Variants in CHRNA4 observed in about 807,000 individuals in gnomAD.
CHRNA4 encodes neuronal acetylcholine receptor subunit alpha-4.
In CHRNA4, 28 loss-of-function variants were observed where a neutral mutation model predicts 48.9. The ratio of observed to expected loss-of-function variants is 0.57; its 90% CI spans 0.42 to 0.79. The LOEUF is 0.79. CHRNA4 is among the 30% of genes least tolerant of loss of function. CHRNA4 has a pLI of 0.00. For synonymous variants in CHRNA4, 425 were observed against 402.3 expected, an observed-to-expected ratio of 1.06 and a Z score of -0.68; for missense variants, 859 against 898.4, an observed-to-expected ratio of 0.96 and a Z score of 0.56.
rs1412831336 is a variant in CHRNA4 at position 63,353,970 on chromosome 20, GA to G, written c.383+2004del. 6.1e-3 allele frequency among the ~76,000 whole-genome samples: 300 copies of G among 48,926 alleles called. 19 individuals are homozygous for G. The highest frequency in any genetic ancestry group is 0.016 in the African/African-American group (143 of 9,082). 32.1% of individuals were successfully genotyped at this position (48,926 alleles called of 152,430 possible). ...ACCCTCGGGGGGGCTGCGGTCCTGG[GA>G]GGTCTGTGGTCCTGGGGGGCTGTGG... On this transcript the variant is annotated intron_variant, in intron 4 of 5. Transcript: ENST00000370263.
chr20:63,346,676 G>T lies in CHRNA4; in HGVS notation c.*62C>A, dbSNP rs62206904. The T allele has an allele frequency of 3.9e-6, 6 of 1,558,424 alleles. No individual in the cohort carries two copies. Among genetic ancestry groups the T allele is most frequent in the Non-Finnish European group, 5.2e-6 (6 of 1,158,426 alleles). ...GGAGAAGCCAGCCCGGCCCCAGGCC[G>T]GCCGCATGGATGCTGGCCCCGTGCA... On this transcript the variant is annotated 3_prime_UTR_variant, in exon 6 of 6. Transcript: ENST00000370263.
chr20:63,349,489 G>T, intron 5 of CHRNA4, 164 bp downstream of exon 5: 1 of 925,070 alleles, frequency 1.1e-6, no homozygotes, highest in African/African-American at 1.6e-5. Flanking sequence ...CGGCCACATA[G>T]CAGGCTTGGG....
At chr20:63,348,441 G>A (rs6062899) in intron 5 of CHRNA4, among the ~76,000 whole-genome samples, 110,064 of 152,134 alleles carry the variant, frequency 0.72, 41,432 homozygotes, top group East Asian at 0.86. Context: ...GGCTGTGTGG[G>A]GCGAGCAACT....
chr20:63,354,041 G>A (rs1439992810), intron 4 of CHRNA4, among the ~76,000 whole-genome samples: 2 of 138,190 alleles, frequency 1.4e-5, no homozygotes, highest in African/African-American at 5.4e-5. Context: ...TAGTCCTAGG[G>A]GGCTGTGGTC....
chr20:63,351,116 C>T (rs1313963281), intron 4 of CHRNA4, 89 bp from the exon 5 acceptor site: 1 of 1,398,446 alleles, frequency 7.2e-7, no homozygotes, highest in Non-Finnish European at 9.7e-7. Context: ...TGCCCACGTC[C>T]ACACCCACAC....
chr20:63,355,654 C>G, intron 4 of CHRNA4: 1 of 1,192,056 alleles, frequency 8.4e-7, no homozygotes, highest in Non-Finnish European at 1.1e-6. Flanking sequence ...GGCCTCAGGA[C>G]TGGTCCAGGC....
intron 2 of CHRNA4, 88 bp from the exon 3 acceptor site, chr20:63,356,503 G>A: frequency 1.5e-6 from 2 of 1,368,976 alleles, no homozygotes; most frequent in Non-Finnish European, 2.0e-6. Context: ...ACTGGCACAA[G>A]GACACGGCCA....
At chr20:63,355,855 C>T in intron 4 of CHRNA4, 120 bp downstream of exon 4, 1 of 1,371,380 alleles carries the variant, frequency 7.3e-7, no homozygotes, top group Non-Finnish European at 1.0e-6. Flanking sequence ...ATGGGGCTGG[C>T]ATAGGCCCCG....
chr20:63,356,014 G>C lies in CHRNA4; in HGVS notation c.344C>G (p.Ser115Cys). 1 of 1,611,406 alleles carries C rather than the reference G, an allele frequency of 6.2e-7. No individual in the cohort carries two copies. Among genetic ancestry groups the C allele is most frequent in the Non-Finnish European group, 8.5e-7 (1 of 1,179,618 alleles). ...GATGTCCGGCCGCCAGATGAGCTCG[G>C]AGGGGATGCGGATGGAGGTGACATT... The part of the protein sequence containing the change: ...YENVTSIRIP[S>C]ELIWRPDIVL... The change falls in exon 4 of 6, where the codon TCC becomes TGC. Residue 115 changes from serine to cysteine, a missense_variant. By Grantham distance (112) the Ser-to-Cys change is moderately radical (BLOSUM62 -1). Transcript: ENST00000370263.
chr20:63,351,121 C>G, intron 4 of CHRNA4, 94 bp from the exon 5 acceptor site: 1 of 1,418,430 alleles, frequency 7.1e-7, no homozygotes, highest in Non-Finnish European at 9.6e-7. Context: ...ACGTCCACAC[C>G]CACACCCACA....
In CHRNA4 at chr20:63,361,253, C is replaced by A. The variant is rs1279270053; in HGVS notation, c.-88G>T. ...CGTGCGCGCCCAACTTCATGCCTCC[C>A]GCGCCTCGCGGGCCGCTTCGGCCGC... On this transcript the variant is annotated 5_prime_UTR_variant, in exon 1 of 6. Coordinates refer to ENST00000370263, the MANE Select transcript of CHRNA4 (RefSeq NM_000744.7). 1.4e-6 allele frequency: 2 copies of A among 1,407,156 alleles called. No homozygotes were observed. The highest frequency in any genetic ancestry group is 1.8e-6 in the Non-Finnish European group (2 of 1,083,270). 87.2% of individuals were successfully genotyped at this position (1,407,156 alleles called of 1,614,324 possible). A position where few individuals can be genotyped will look rare whatever the true frequency, so the allele number is the denominator to read the frequency against.
rs2068570459 is a variant in CHRNA4 at position 63,350,308 on chromosome 20, C to T, written c.1103G>A (p.Cys368Tyr). ...MKRPSVVKDN[C>Y]RRLIESMHKM... ...ATGCATGGACTCGATGAGCCGCCGGCAATTGTCCTTGACCACGGACGGCCG... is the reference window on the plus strand; with the variant it reads ...ATGCATGGACTCGATGAGCCGCCGGTAATTGTCCTTGACCACGGACGGCCG... The change falls in exon 5 of 6, where the codon TGC (cysteine) becomes TAC (tyrosine). Residue 368 changes from cysteine (C) to tyrosine (Y), a missense_variant. Cys to Tyr is a radical substitution (Grantham distance 194). This residue lies in a region of CHRNA4 where 478 missense variants were observed against 455.4 expected (regional missense o/e 1.05). Coordinates refer to ENST00000370263, the MANE Select transcript of CHRNA4 (RefSeq NM_000744.7). 1 of 1,613,128 alleles carries T rather than the reference C, an allele frequency of 6.2e-7. No individual in the cohort carries two copies. The highest frequency in any genetic ancestry group is 8.5e-7 in the Non-Finnish European group (1 of 1,180,008).
rs1242526543 is a variant in CHRNA4, at chr20:63,361,317, C to G, written c.-152G>C. 2.6e-6 allele frequency: 3 copies of G among 1,166,920 alleles called. 1 individual carries two copies. The highest frequency in any genetic ancestry group is 5.7e-5 in the South Asian group (2 of 34,992). The allele number at this position is 1,166,920 out of a possible 1,614,324, so 72.3% of individuals were successfully genotyped here. On this transcript the variant is annotated 5_prime_UTR_variant, in exon 1 of 6. Coordinates refer to ENST00000370263, the MANE Select transcript of CHRNA4 (RefSeq NM_000744.7). ...TCTTCTCCTGTGGGGCGCGGTGCGG[C>G]GGCGGCGCGGCAGGGAGCGCCGGGC...
At position 63,345,098 on chromosome 20, in the gene CHRNA4, G is replaced by T; in HGVS notation, c.*1640C>A. ...CCCCACTCACGTCACTGCCCGCGGG[G>T]ACACAGCGGCATTTCTGGGGCACTC... is the stretch of plus-strand genomic sequence containing the variant. On this transcript the variant is annotated 3_prime_UTR_variant, in exon 6 of 6. Coordinates refer to ENST00000370263, the MANE Select transcript of CHRNA4 (RefSeq NM_000744.7). The surrounding 1 kb of genome is among the most constrained non-coding windows in gnomAD (Gnocchi z 5.4). 1 of 454,064 alleles carries T rather than the reference G, an allele frequency of 2.2e-6. No individual in the cohort carries two copies. Among genetic ancestry groups the T allele is most frequent in the South Asian group, 1.6e-5 (1 of 64,466 alleles). 28.1% of individuals were successfully genotyped at this position (454,064 alleles called of 1,614,324 possible).
intron 4 of CHRNA4, 75 bp downstream of exon 4, chr20:63,355,900 C>T (rs2068709253): frequency 1.3e-6 from 2 of 1,579,036 alleles, no homozygotes; most frequent in South Asian, 2.3e-5. Flanking sequence ...AGCTCCCTGT[C>T]TGGGCAGGGG....
At position 63,349,937 on chromosome 20, in the gene CHRNA4, A is replaced by C; in HGVS notation, c.1474T>G (p.Cys492Gly). 3 of 1,586,296 alleles carry C rather than the reference A, an allele frequency of 1.9e-6. No homozygotes were observed. Among genetic ancestry groups the C allele is most frequent in the Non-Finnish European group, 2.6e-6 (3 of 1,165,106 alleles). Reference sequence around the variant, plus strand: ...GGGGCGGCATCGTCTCGGGGAACACAGTACTGGATGCTCCGAGACCGGCAC... The same window carrying C: ...GGGGCGGCATCGTCTCGGGGAACACCGTACTGGATGCTCCGAGACCGGCAC... ...VRCRSRSIQY[C>G]VPRDDAAPEA... is the part of the protein sequence containing the mutation. The change falls in exon 5 of 6, where the codon TGT becomes GGT. Residue 492 changes from cysteine (C) to glycine (G), a missense_variant. Cys to Gly is a radical substitution (Grantham distance 159, BLOSUM62 -3). Coordinates refer to ENST00000370263, the MANE Select transcript of CHRNA4 (RefSeq NM_000744.7).
chr20:63,356,931 C>A (rs2145403068), intron 2 of CHRNA4, among the ~76,000 whole-genome samples: 1 of 152,240 alleles, frequency 6.6e-6, no homozygotes, highest in South Asian at 2.1e-4. Flanking sequence ...CCACTCACCC[C>A]AGCCCCTTCC....
At position 63,344,477 on chromosome 20, in the gene CHRNA4, A is replaced by ATT. The variant is rs568329035; in HGVS notation, c.*2259_*2260dup. 5.2e-4 allele frequency: 228 copies of ATT among 438,404 alleles called. 1 individual carries two copies. The highest frequency in any genetic ancestry group is 3.1e-3 in the African/African-American group (150 of 47,764). The allele number at this position is 438,404 out of a possible 1,614,324, so 27.2% of individuals were successfully genotyped here. On this transcript the variant is annotated 3_prime_UTR_variant, in exon 6 of 6. Transcript: ENST00000370263. The surrounding 1 kb of genome is among the most constrained non-coding windows in gnomAD (Gnocchi z 4.5). ...GGTGGGAATATGGTGCTTTATTTGG[A>ATT]TTTTTTTTTTGAGCCTCAAAAAAAA...
chr20:63,361,113 AGCAGCAGCAGCGGCG>A lies in CHRNA4; in HGVS notation c.38_52del (p.Pro13_Leu17del), dbSNP rs771936944. The A allele has an allele frequency of 4.1e-6, 6 of 1,476,976 alleles. No individual in the cohort carries two copies. Among genetic ancestry groups the A allele is most frequent in the South Asian group, 1.3e-5 (1 of 78,002 alleles). The allele number at this position is 1,476,976 out of a possible 1,614,324, so 91.5% of individuals were successfully genotyped here. A position where few individuals can be genotyped will look rare whatever the true frequency, so the allele number is the denominator to read the frequency against. ...ACCGCGCAGGAGGCCGGTCCCCAGAAGCAGCAGCAGCGGCGGCAGCAGCCGCGGCGCTCCGGGGCC... is the reference window on the plus strand; with the variant it reads ...ACCGCGCAGGAGGCCGGTCCCCAGAAGCAGCAGCCGCGGCGCTCCGGGGCC... On this transcript the variant is annotated inframe_deletion, in exon 1 of 6. Coordinates refer to ENST00000370263, the MANE Select transcript of CHRNA4 (RefSeq NM_000744.7).
Sources: gnomAD v4.1 joint callset for allele counts (sites outside exome capture counted in the v4.1 genomes callset) on GRCh38, gnomAD v4.1.1 for gene constraint, gnomAD v4.1.1 regional missense constraint, Gnocchi (gnomAD v3.1) non-coding constraint, MANE v1.5 for transcripts, NCBI Gene and HGNC (gene_info 2026-07-23, HGNC 2026-07-21) for gene names.